The following SH3PXD2A variants were observed in gnomAD, a reference collection of about 807,000 sequenced individuals.
SH3PXD2A encodes the protein SH3 and PX domain-containing protein 2A.
SH3PXD2A carries 32 observed loss-of-function variants against 115.2 expected under a neutral mutation model. That is an observed-to-expected ratio of 0.28 (90% confidence interval 0.21 to 0.37). SH3PXD2A has a LOEUF of 0.37. Among genes scored for constraint, SH3PXD2A ranks in the 10% least tolerant of loss-of-function variants. SH3PXD2A has a pLI of 1.00. For missense variants in SH3PXD2A, 1,328 were observed against 1,498.7 expected (o/e 0.89, Z 1.88); for synonymous variants, 610 against 629.1 (o/e 0.97, Z 0.45).
At chr10:103,605,063 A>G (rs1165524755) in intron 14 of SH3PXD2A, among the ~76,000 whole-genome samples, 1 of 152,194 alleles carries the variant, frequency 6.6e-6, no homozygotes, top group Non-Finnish European at 1.5e-5. Context: ...CGGGAATACC[A>G]TGCTCAGCCC....
chr10:103,847,670 G>A (rs1842859728), intron 1 of SH3PXD2A, among the ~76,000 whole-genome samples: 2 of 152,152 alleles, frequency 1.3e-5, no homozygotes, highest in Admixed American at 6.5e-5. Context: ...CAGGCGCAGC[G>A]GGTCACACTT....
chr10:103,787,427 T>C (rs971189867), intron 2 of SH3PXD2A, among the ~76,000 whole-genome samples: 1 of 152,252 alleles, frequency 6.6e-6, no homozygotes, highest in African/African-American at 2.4e-5. Context: ...CATTGGCACT[T>C]TGCCAGACTG....
At chr10:103,827,107 T>C (rs1436229330) in intron 1 of SH3PXD2A, among the ~76,000 whole-genome samples, 1 of 151,922 alleles carries the variant, frequency 6.6e-6, no homozygotes, top group Non-Finnish European at 1.5e-5. Flanking sequence ...ATTGAATAAA[T>C]CAGCCAGGGA....
At chr10:103,747,905 C>T (rs978229964) in intron 3 of SH3PXD2A, among the ~76,000 whole-genome samples, 27 of 152,274 alleles carry the variant, frequency 1.8e-4, no homozygotes, top group Non-Finnish European at 2.6e-4. Context: ...CCACTTCAGC[C>T]TCCCAAAGTG....
At chr10:103,613,943 A>G (rs1564844379) in intron 11 of SH3PXD2A, among the ~76,000 whole-genome samples, 1 of 152,148 alleles carries the variant, frequency 6.6e-6, no homozygotes, top group Non-Finnish European at 1.5e-5. Context: ...ACTGTAGTGG[A>G]ACAAAGATGC....
intron 2 of SH3PXD2A, among the ~76,000 whole-genome samples, chr10:103,786,333 TC>T (rs1329328632): frequency 6.6e-6 from 1 of 152,086 alleles, no homozygotes; most frequent in Non-Finnish European, 1.5e-5. Flanking sequence ...GACCTTGACA[TC>T]CTATGTGACC....
chr10:103,617,343 ATTT>A, intron 10 of SH3PXD2A, 29 bp from the exon 11 acceptor site: 1 of 1,527,450 alleles, frequency 6.5e-7, no homozygotes, highest in Non-Finnish European at 9.1e-7. Context: ...AAGCAAGATT[ATTT>A]GAGGTCGGGG....
intron 1 of SH3PXD2A, among the ~76,000 whole-genome samples, chr10:103,853,758 G>A (rs1326983206): frequency 2.0e-5 from 3 of 152,212 alleles, no homozygotes; most frequent in Non-Finnish European, 4.4e-5. Flanking sequence ...GCAGTGCCAA[G>A]CTCAGCTGAG....
rs574554993 is a variant in SH3PXD2A at position 103,716,553 on chromosome 10, C to T, written c.398+7717G>A. Among the ~76,000 whole-genome samples, 30 of 152,302 alleles carry T rather than the reference C, an allele frequency of 2.0e-4. No homozygotes were observed. The East Asian group carries it at 2.9e-3, about 15-fold the overall frequency. On this transcript the variant is annotated intron_variant, in intron 5 of 14. Coordinates refer to ENST00000369774, the MANE Select transcript of SH3PXD2A (RefSeq NM_001394015.1). ...CTGGCTTCAGCAGGAAGAAACAAGC[C>T]GAAGGGATAAGCCCAGGGTGAGAGC... is the stretch of plus-strand genomic sequence containing the variant.
chr10:103,692,738 C>T (rs1396717545), intron 6 of SH3PXD2A, among the ~76,000 whole-genome samples: 1 of 152,146 alleles, frequency 6.6e-6, no homozygotes, highest in African/African-American at 2.4e-5. Context: ...CACGAGCCAC[C>T]CACGCACTCC....
At chr10:103,695,282 G>A (rs1460603847) in intron 5 of SH3PXD2A, among the ~76,000 whole-genome samples, 1 of 152,154 alleles carries the variant, frequency 6.6e-6, no homozygotes, top group Non-Finnish European at 1.5e-5. Flanking sequence ...AGGCTACCCA[G>A]GCTGTTCCTA....
In SH3PXD2A at chr10:103,598,639, C is replaced by T. The variant is rs1050918369; in HGVS notation, c.*3177G>A. 6.6e-6 allele frequency: 1 copy of T among 152,610 alleles called. No homozygotes were observed. Among genetic ancestry groups the T allele is most frequent in the East Asian group, 1.9e-4 (1 of 5,196 alleles). 9.5% of individuals were successfully genotyped at this position (152,610 alleles called of 1,614,324 possible). ...TTGTTTTTCTTTTTCCTTTTTTAGT[C>T]CGATCTGGTTTTCCTCCAGATGGGT... On this transcript the variant is annotated 3_prime_UTR_variant, in exon 15 of 15. Coordinates refer to ENST00000369774, the MANE Select transcript of SH3PXD2A (RefSeq NM_001394015.1).
At chr10:103,608,132 A>C in intron 13 of SH3PXD2A, among the ~76,000 whole-genome samples, 1 of 148,656 alleles carries the variant, frequency 6.7e-6, no homozygotes, top group Non-Finnish European at 1.5e-5. Flanking sequence ...TGCGAGAAAC[A>C]CCCAAGAATG....
At chr10:103,841,295 C>T (rs1039943536) in intron 1 of SH3PXD2A, among the ~76,000 whole-genome samples, 7 of 152,298 alleles carry the variant, frequency 4.6e-5, no homozygotes, top group African/African-American at 1.7e-4. Context: ...CCCCTACCTG[C>T]CTCCTGGCTC....
chr10:103,836,433 C>T (rs1256073361), intron 1 of SH3PXD2A, among the ~76,000 whole-genome samples: 1 of 151,256 alleles, frequency 6.6e-6, no homozygotes, highest in African/African-American at 2.4e-5. Context: ...CACACAGACA[C>T]ATCCATACAC....
chr10:103,844,592 C>A (rs1053010567), intron 1 of SH3PXD2A, among the ~76,000 whole-genome samples: 1 of 152,344 alleles, frequency 6.6e-6, no homozygotes, highest in African/African-American at 2.4e-5. Flanking sequence ...CTCACAGAAG[C>A]CCCTGTAGCC....
At chr10:103,606,749 G>A (rs2036315016) in intron 13 of SH3PXD2A, among the ~76,000 whole-genome samples, 3 of 152,096 alleles carry the variant, frequency 2.0e-5, no homozygotes, top group Admixed American at 1.3e-4. Flanking sequence ...CGCCAGCCTC[G>A]GCCTCCCGAG....
At chr10:103,817,972 T>C (rs1354094209) in intron 1 of SH3PXD2A, among the ~76,000 whole-genome samples, 4 of 152,174 alleles carry the variant, frequency 2.6e-5, no homozygotes, top group Admixed American at 2.0e-4. Context: ...TCTGGGATGA[T>C]GAAAATGTTT....
At chr10:103,825,963 C>T (rs2039426753) in intron 1 of SH3PXD2A, among the ~76,000 whole-genome samples, 2 of 152,192 alleles carry the variant, frequency 1.3e-5, no homozygotes, top group South Asian at 2.1e-4. Context: ...TAGGGTTTCA[C>T]CATGTTAGCC....
Sources: allele counts gnomAD v4.1 joint callset (sites outside exome capture counted in the v4.1 genomes callset), GRCh38; gene constraint gnomAD v4.1.1; transcripts MANE v1.5; gene names NCBI Gene and HGNC (gene_info 2026-07-23, HGNC 2026-07-21).